Variants in CAST observed in about 807,000 individuals in gnomAD.
CAST encodes the protein MIR583 host.
A neutral mutation model predicts 119.6 loss-of-function variants in CAST; 76 were observed. The observed-to-expected ratio is 0.64, with a 90% CI of 0.53 to 0.77. CAST has a LOEUF of 0.77. Among genes scored for constraint, CAST ranks in the 30% least tolerant of loss-of-function variants. The pLI, the probability that CAST is intolerant of heterozygous loss-of-function variation, is 0.00. For missense variants in CAST, 953 were observed against 946.5 expected, an observed-to-expected ratio of 1.01 and a Z score of -0.09; for synonymous variants, 319 against 331.6, an observed-to-expected ratio of 0.96 and a Z score of 0.41.
the CAST span, among the ~76,000 whole-genome samples, chr5:96,415,805 A>ATT: frequency 2.4e-3 from 365 of 151,234 alleles, 1 homozygote; most frequent in African/African-American, 7.9e-3. Flanking sequence ...ACATTTCCAC[A>ATT]TTTTTTTTTC....
chr5:96,730,642 A>G, intron 8 of CAST, 138 bp from the exon 9 acceptor site: 1 of 678,054 alleles, frequency 1.5e-6, no homozygotes, highest in Non-Finnish European at 2.6e-6. Context: ...ACCATGTACA[A>G]TAGAAGTGAG....
chr5:96,248,440 A>G, the CAST span, among the ~76,000 whole-genome samples: 1 of 152,224 alleles, frequency 6.6e-6, no homozygotes, highest in Non-Finnish European at 1.5e-5. Context: ...GGTGTGTTTA[A>G]AGGCAGTAAT....
intron 16 of CAST, among the ~76,000 whole-genome samples, chr5:96,744,262 C>T (rs1222850681): frequency 6.6e-6 from 1 of 152,118 alleles, no homozygotes; most frequent in Non-Finnish European, 1.5e-5. Context: ...AAAGACATAC[C>T]AGAGACTGGG....
chr5:96,445,668 A>G, the CAST span, among the ~76,000 whole-genome samples: 6 of 152,142 alleles, frequency 3.9e-5, no homozygotes, highest in African/African-American at 1.4e-4. Context: ...GTTCCCAGTC[A>G]GGTCTTGTCC....
rs991949186 is a variant in CAST, at chr5:96,736,281, C to T, written c.699+41C>T. ...TGTCCTTCTACATGAGACAGTTACT[C>T]ATATGCTCTGTATTTATCATAATCT... is the stretch of plus-strand genomic sequence containing the variant. On this transcript the variant is annotated intron_variant, in intron 10 of 31. Transcript: ENST00000675179. 3 of 1,232,262 alleles carry T rather than the reference C, an allele frequency of 2.4e-6. No individual in the cohort carries two copies. The African/African-American group carries it at 4.5e-5, about 19-fold the overall frequency. 76.3% of individuals were successfully genotyped at this position (1,232,262 alleles called of 1,614,324 possible). A position where few individuals can be genotyped will look rare whatever the true frequency, so the allele number is the denominator to read the frequency against.
chr5:96,203,429 AG>A, the CAST span, among the ~76,000 whole-genome samples: 1 of 152,064 alleles, frequency 6.6e-6, no homozygotes, highest in Admixed American at 6.6e-5. Context: ...AGGGTTACAA[AG>A]GACACAAATT....
chr5:96,678,672 ATC>A (rs1365702056), intron 2 of CAST, among the ~76,000 whole-genome samples: 1 of 152,100 alleles, frequency 6.6e-6, no homozygotes, highest in Non-Finnish European at 1.5e-5. Flanking sequence ...GTGAAACTCC[ATC>A]TCTACTAAAA....
rs145351553 is a variant in CAST, at chr5:96,616,729, G to GCTCTCT, written c.61-58799_61-58794dup. Among the ~76,000 whole-genome samples the GCTCTCT allele has an allele frequency of 6.4e-3, 880 of 138,436 alleles. 6 individuals carry two copies. The highest frequency in any genetic ancestry group is 0.025 in the South Asian group (107 of 4,210). 90.8% of individuals were successfully genotyped at this position (138,436 alleles called of 152,430 possible). ...CCTCTTAGACACCAAGCGCTCGCTCGCTCTCTCTCTCTCTCTATATATATA... is the reference window on the plus strand; with the variant it reads ...CCTCTTAGACACCAAGCGCTCGCTCGCTCTCTCTCTCTCTCTCTCTCTATATATATA... On this transcript the variant is annotated intron_variant, in intron 1 of 11. Coordinates refer to the CAST transcript ENST00000505143.
At chr5:95,963,276 T>C in the CAST span, among the ~76,000 whole-genome samples, 1 of 152,334 alleles carries the variant, frequency 6.6e-6, no homozygotes, top group African/African-American at 2.4e-5. Context: ...CATGATTCCA[T>C]GTCCTCCCCT....
the CAST span, among the ~76,000 whole-genome samples, chr5:96,294,028 G>A: frequency 6.6e-6 from 1 of 152,272 alleles, no homozygotes; most frequent in East Asian, 1.9e-4. Flanking sequence ...CCAAAGTGCT[G>A]GGATTACAGG....
intron 1 of CAST, among the ~76,000 whole-genome samples, chr5:96,646,912 A>AGGAGGT (rs1234371951): frequency 6.6e-6 from 1 of 152,226 alleles, no homozygotes; most frequent in African/African-American, 2.4e-5. Flanking sequence ...GCCAAACGAT[A>AGGAGGT]GGAGGTGAAG....
At chr5:96,176,689 G>C in the CAST span, among the ~76,000 whole-genome samples, 1 of 152,186 alleles carries the variant, frequency 6.6e-6, no homozygotes, top group Non-Finnish European at 1.5e-5. Context: ...CTAAAAGTTT[G>C]TCAGTCACAA....
chr5:96,437,741 T>A, the CAST span, among the ~76,000 whole-genome samples: 1 of 152,166 alleles, frequency 6.6e-6, no homozygotes, highest in Non-Finnish European at 1.5e-5. Flanking sequence ...CCGTAGTGAT[T>A]CATACGCAAT....
chr5:96,214,083 C>A, the CAST span, among the ~76,000 whole-genome samples: 3 of 152,086 alleles, frequency 2.0e-5, no homozygotes, highest in Admixed American at 2.0e-4. Flanking sequence ...TATTTCCTTC[C>A]AGCTTCAAAA....
At chr5:96,426,864 G>A in the CAST span, among the ~76,000 whole-genome samples, 776 of 152,202 alleles carry the variant, frequency 5.1e-3, 4 homozygotes, top group South Asian at 9.3e-3. Context: ...CACTAAGACT[G>A]CCCTCAATTT....
At chr5:96,226,347 G>T in the CAST span, among the ~76,000 whole-genome samples, 12 of 152,242 alleles carry the variant, frequency 7.9e-5, no homozygotes, top group East Asian at 1.4e-3. Flanking sequence ...GAAGGCAAAT[G>T]GAGCATAAAA....
chr5:96,736,817 C>CT (rs141337802), intron 10 of CAST, among the ~76,000 whole-genome samples: 1,725 of 152,182 alleles, frequency 0.011, 27 homozygotes, highest in African/African-American at 0.04. Context: ...TAGAAGCACT[C>CT]TTATTTATTA....
At chr5:96,088,733 CTCTT>C in the CAST span, among the ~76,000 whole-genome samples, 2 of 152,164 alleles carry the variant, frequency 1.3e-5, no homozygotes, top group Non-Finnish European at 2.9e-5. Flanking sequence ...TTGTCAGTCT[CTCTT>C]TAGTGTTAGG....
At chr5:96,695,239 A>G (rs1753143770) in intron 2 of CAST, among the ~76,000 whole-genome samples, 1 of 152,210 alleles carries the variant, frequency 6.6e-6, no homozygotes, top group South Asian at 2.1e-4. Context: ...CACTTAGAGT[A>G]CTTAGAATAA....
Sources: gnomAD v4.1 joint callset for allele counts (sites outside exome capture counted in the v4.1 genomes callset) on GRCh38, gnomAD v4.1.1 for gene constraint, MANE v1.5 for transcripts, NCBI Gene and HGNC (gene_info 2026-07-23, HGNC 2026-07-21) for gene names.